VPS13B: variants seen among roughly 807,000 people sequenced by gnomAD.
The protein encoded by VPS13B is intermembrane lipid transfer protein VPS13B.
In VPS13B, 285 loss-of-function variants were observed where a neutral mutation model predicts 426.4. That is an observed-to-expected ratio of 0.67 (90% CI 0.61 to 0.74). The LOEUF (loss-of-function observed/expected upper bound fraction) is 0.74, where lower values mean the gene tolerates loss of function less well. VPS13B is among the 30% of genes least tolerant of loss of function. The pLI is 0.00. For missense variants in VPS13B, 4,537 were observed against 4,782.6 expected (o/e 0.95, Z 1.51); for synonymous variants, 1,676 against 1,676.4 (o/e 1.00, Z 0.01).
intron 21 of VPS13B, among the ~76,000 whole-genome samples, chr8:99,425,903 GTTTT>G (rs1176557246): frequency 6.6e-6 from 1 of 151,848 alleles, no homozygotes; most frequent in Non-Finnish European, 1.5e-5. Context: ...TCTGTTTTTT[GTTTT>G]TTGTTTTTAA....
chr8:99,320,313 G>A (rs1031116342), intron 19 of VPS13B, among the ~76,000 whole-genome samples: 2 of 152,106 alleles, frequency 1.3e-5, no homozygotes, highest in African/African-American at 4.8e-5. Context: ...GATAGTGGGG[G>A]CTATGTAAAA....
At chr8:99,767,590 C>G (rs937518468) in intron 40 of VPS13B, among the ~76,000 whole-genome samples, 1 of 145,796 alleles carries the variant, frequency 6.9e-6, no homozygotes, top group Non-Finnish European at 1.5e-5. Context: ...GGATTTTATA[C>G]AGATAAAGTT....
chr8:99,817,685 C>G lies in VPS13B; in HGVS notation c.8243C>G (p.Ser2748Trp), dbSNP rs180177370. The G allele has an allele frequency of 6.2e-7, 1 of 1,614,014 alleles. No homozygotes were observed. Among genetic ancestry groups the G allele is most frequent in the Non-Finnish European group, 8.5e-7 (1 of 1,179,990 alleles). Residue 2748 changes from serine (S) to tryptophan (W), a missense_variant, in exon 45 of 62, where the codon TCG becomes TGG. Around this residue, in one of 2 missense-constraint regions of VPS13B, gnomAD observed 4,311 missense variants for 4,474.3 expected, o/e 0.96. Transcript: ENST00000357162. ...CTCACAGCCAAACAGAAATTGCCTT[C>G]GTACATACTAGAAAACAATGAACTG... ...DCLTAKQKLP[S>W]YILENNELTE...
chr8:99,464,834 C>T (rs1203969799), intron 23 of VPS13B, among the ~76,000 whole-genome samples: 2 of 152,098 alleles, frequency 1.3e-5, no homozygotes, highest in Non-Finnish European at 2.9e-5. Context: ...GTCTGAATTA[C>T]ATCAGTGTTT....
chr8:99,777,988 T>G (rs954882274), intron 41 of VPS13B, among the ~76,000 whole-genome samples: 1 of 151,982 alleles, frequency 6.6e-6, no homozygotes, highest in Non-Finnish European at 1.5e-5. Flanking sequence ...TCCCAACACT[T>G]TGGGAGGCCG....
intron 25 of VPS13B, among the ~76,000 whole-genome samples, chr8:99,490,489 T>C (rs1052969550): frequency 6.6e-6 from 1 of 152,180 alleles, no homozygotes; most frequent in Admixed American, 6.5e-5. Flanking sequence ...CCAGGTCCTC[T>C]TTGTACCTCT....
chr8:99,273,826 G>A (rs529114309), intron 17 of VPS13B, among the ~76,000 whole-genome samples: 1 of 151,808 alleles, frequency 6.6e-6, no homozygotes, highest in African/African-American at 2.4e-5. Context: ...TAAAGTCTTC[G>A]CCTAAATTAA....
At chr8:99,082,919 T>G (rs546799285) in intron 3 of VPS13B, among the ~76,000 whole-genome samples, 13 of 152,188 alleles carry the variant, frequency 8.5e-5, no homozygotes, top group Non-Finnish European at 1.6e-4. Flanking sequence ...TTGTTCTTTT[T>G]GCTTAGGATT....
chr8:99,362,235 A>G (rs1005358670), intron 19 of VPS13B, among the ~76,000 whole-genome samples: 2 of 135,708 alleles, frequency 1.5e-5, no homozygotes, highest in African/African-American at 5.7e-5. Context: ...TCCGCCTCCC[A>G]GTTTCACGCC....
chr8:99,352,793 C>T (rs772519403), intron 19 of VPS13B, among the ~76,000 whole-genome samples: 1 of 150,966 alleles, frequency 6.6e-6, no homozygotes, highest in African/African-American at 2.4e-5. Context: ...CATTGCACTC[C>T]AGCCTGGGCA....
chr8:99,017,390 A>T (rs1391131884), intron 2 of VPS13B, among the ~76,000 whole-genome samples: 2 of 152,176 alleles, frequency 1.3e-5, no homozygotes, highest in East Asian at 3.8e-4. Flanking sequence ...CTTTTATAAT[A>T]AGACTTGGTT....
At chr8:99,534,763 T>G (rs757905184) in intron 30 of VPS13B, among the ~76,000 whole-genome samples, 22 of 152,176 alleles carry the variant, frequency 1.4e-4, no homozygotes, top group Non-Finnish European at 5.9e-5. Flanking sequence ...GCTACTGTCT[T>G]AAGTGTCTGA....
chr8:99,537,998 A>G (rs1351409140), intron 30 of VPS13B, among the ~76,000 whole-genome samples: 1 of 152,192 alleles, frequency 6.6e-6, no homozygotes, highest in Non-Finnish European at 1.5e-5. Flanking sequence ...CATGAAAGAG[A>G]TTATTCAACA....
At chr8:99,173,861 T>C (rs749603707) in intron 16 of VPS13B, among the ~76,000 whole-genome samples, 2 of 152,210 alleles carry the variant, frequency 1.3e-5, no homozygotes, top group African/African-American at 2.4e-5. Context: ...CTCAATTTGA[T>C]CCTCTCCTTC....
intron 33 of VPS13B, among the ~76,000 whole-genome samples, chr8:99,634,450 G>A (rs184087379): frequency 1.0e-3 from 157 of 152,000 alleles, no homozygotes; most frequent in African/African-American, 2.9e-3. Flanking sequence ...TCAAAGAGCC[G>A]GAAAAGTAAC....
At chr8:99,096,572 A>G in intron 4 of VPS13B, 140 bp downstream of exon 4, 1 of 1,201,502 alleles carries the variant, frequency 8.3e-7, no homozygotes, top group Non-Finnish European at 1.2e-6. Flanking sequence ...CCTGGCCAAC[A>G]TGGTGAAGCC....
chr8:99,819,981 A>G lies in VPS13B; in HGVS notation c.8853A>G (p.Pro2951=), dbSNP rs147187040. Residue 2951 remains proline (P), a synonymous_variant, in exon 49 of 62, where the codon CCA becomes CCG. Coordinates refer to ENST00000357162, the MANE Select transcript of VPS13B (RefSeq NM_152564.5). ...PMRVKLSIWK[P]YVRTLLIELL... ...GAGTGAAGCTGTCAATCTGGAAGCC[A>G]TATGTTAGAACTTTGTTGATAGAAC... is the stretch of plus-strand genomic sequence containing the variant. The G allele has an allele frequency of 6.8e-6, 11 of 1,613,950 alleles. No homozygotes were observed. Among genetic ancestry groups the G allele is most frequent in the South Asian group, 3.3e-5 (3 of 91,078 alleles).
At chr8:99,657,446 G>C (rs1830059877) in intron 34 of VPS13B, among the ~76,000 whole-genome samples, 1 of 113,630 alleles carries the variant, frequency 8.8e-6, no homozygotes, top group African/African-American at 4.0e-5. Context: ...TCCTAGAGGT[G>C]ATCATTCAGC....
chr8:99,767,033 C>G, intron 40 of VPS13B, 63 bp downstream of exon 40: 3 of 1,520,450 alleles, frequency 2.0e-6, no homozygotes, highest in Non-Finnish European at 9.1e-7. Context: ...TCATCTTTTC[C>G]TATCTAGTGA....
Sources: allele counts gnomAD v4.1 joint callset (sites outside exome capture counted in the v4.1 genomes callset), GRCh38; gene constraint gnomAD v4.1.1; regional missense constraint gnomAD v4.1.1; transcripts MANE v1.5; gene names NCBI Gene and HGNC (gene_info 2026-07-23, HGNC 2026-07-21).